The following ZNF512 variants were observed in gnomAD, a reference collection of about 807,000 sequenced individuals.
ZNF512 encodes the protein zinc finger protein 512.
In ZNF512, 25 loss-of-function variants were observed where a neutral mutation model predicts 77.5. That is an observed-to-expected ratio of 0.32 (90% CI 0.23 to 0.45). The LOEUF (loss-of-function observed/expected upper bound fraction) is 0.45, where lower values mean the gene tolerates loss of function less well. Among genes scored for constraint, ZNF512 ranks in the 20% least tolerant of loss-of-function variants. ZNF512 has a pLI of 1.00. For missense variants in ZNF512, 483 were observed against 692.6 expected (o/e 0.70, Z 3.40); for synonymous variants, 246 against 239.9 (o/e 1.03, Z -0.24).
chr2:27,587,938 C>T (rs1201725640), intron 2 of ZNF512, among the ~76,000 whole-genome samples: 2 of 150,226 alleles, frequency 1.3e-5, no homozygotes, highest in Non-Finnish European at 3.0e-5. Flanking sequence ...CCTTTGCCTC[C>T]CAAAGTGCTG....
chr2:27,608,153 T>A (rs1672450803), intron 10 of ZNF512, 114 bp downstream of exon 10: 1 of 1,026,486 alleles, frequency 9.7e-7, no homozygotes, highest in South Asian at 1.9e-5. Context: ...TTTTGTTTGT[T>A]TATCTTTGGA....
At chr2:27,619,482 A>G (rs1277522638) in intron 13 of ZNF512, among the ~76,000 whole-genome samples, 1 of 152,194 alleles carries the variant, frequency 6.6e-6, no homozygotes, top group African/African-American at 2.4e-5. Context: ...CTAAAAAGTT[A>G]AAATCAAAAG....
Position 27,598,097 on chromosome 2 carries a change from T to A in ZNF512, c.120T>A (p.Asn40Lys). 1 of 1,604,790 alleles carries A rather than the reference T, an allele frequency of 6.2e-7. No homozygotes were observed. Among genetic ancestry groups the A allele is most frequent in the Non-Finnish European group, 8.5e-7 (1 of 1,172,424 alleles). Residue 40 changes from asparagine (N) to lysine (K), a missense_variant, in exon 3 of 14, where the codon AAT (asparagine) becomes AAA (lysine). Physicochemically the swap from Asn to Lys is moderately conservative, Grantham distance 94. Coordinates refer to ENST00000355467, the MANE Select transcript of ZNF512 (RefSeq NM_032434.4). ...GGACCCAGTGCTCCATAAAGGATAA[T>A]AGTTTCCAGTACACTATCCCTCATG... ...NSRTQCSIKD[N>K]SFQYTIPHDD...
chr2:27,590,841 C>T (rs1234038297), intron 2 of ZNF512, among the ~76,000 whole-genome samples: 1 of 152,134 alleles, frequency 6.6e-6, no homozygotes, highest in Non-Finnish European at 1.5e-5. Context: ...GTTGCTCTTT[C>T]TTCATTCTTA....
chr2:27,610,569 T>TATATATATATATATATATACA (rs70953871), intron 10 of ZNF512, among the ~76,000 whole-genome samples: 3 of 15,804 alleles, frequency 1.9e-4, no homozygotes, highest in African/African-American at 2.6e-4. Context: ...TATATATATA[T>TATATATATATATATATATACA]TTTTTTTTTT....
chr2:27,594,994 C>T (rs557606119), intron 2 of ZNF512, among the ~76,000 whole-genome samples: 6 of 152,242 alleles, frequency 3.9e-5, no homozygotes, highest in East Asian at 1.9e-4. Flanking sequence ...TCAGGCGTGG[C>T]GGCGCGTGCC....
chr2:27,608,562 T>C (rs1354518096), intron 10 of ZNF512, among the ~76,000 whole-genome samples: 1 of 152,102 alleles, frequency 6.6e-6, no homozygotes, highest in Admixed American at 6.6e-5. Flanking sequence ...GCCCCAAGCA[T>C]ACTTCTGAGG....
rs183930081 is a variant in ZNF512 at position 27,620,320 on chromosome 2, A to G, written c.1396-833A>G. On this transcript the variant is annotated intron_variant, in intron 13 of 13. Transcript: ENST00000355467. ...CACTTACCATATGTGGCTAGTGGCT[A>G]TCTCATTGCATGGTGCAAGACTAAA... 1.9e-3 allele frequency among the ~76,000 whole-genome samples: 289 copies of G among 152,288 alleles called. 2 individuals are homozygous for G. Among genetic ancestry groups the G allele is most frequent in the African/African-American group, 6.7e-3 (277 of 41,554 alleles).
intron 10 of ZNF512, among the ~76,000 whole-genome samples, chr2:27,613,768 C>T (rs919918912): frequency 6.6e-6 from 1 of 152,026 alleles, no homozygotes; most frequent in African/African-American, 2.4e-5. Context: ...ACTGTGTAAC[C>T]TGGAAATTAC....
At chr2:27,600,642 T>G (rs187570011) in intron 5 of ZNF512, 49 bp from the exon 6 acceptor site, 2 of 1,581,168 alleles carry the variant, frequency 1.3e-6, no homozygotes, top group Non-Finnish European at 1.7e-6. Flanking sequence ...TGCTTTTTGT[T>G]TCTGGAGAAT....
intron 10 of ZNF512, among the ~76,000 whole-genome samples, chr2:27,611,886 C>T (rs1039209371): frequency 5.9e-5 from 9 of 151,916 alleles, no homozygotes; most frequent in African/African-American, 2.2e-4. Context: ...ATGGTAGAGA[C>T]GGGGTTTCAC....
chr2:27,602,602 C>T (rs1672169017), intron 8 of ZNF512, 41 bp downstream of exon 8: 16 of 1,551,918 alleles, frequency 1.0e-5, no homozygotes, highest in Non-Finnish European at 1.4e-5. Context: ...CCTGAATTCT[C>T]AGGTCAATGT....
At chr2:27,594,802 C>T (rs956086818) in intron 2 of ZNF512, among the ~76,000 whole-genome samples, 7 of 152,070 alleles carry the variant, frequency 4.6e-5, no homozygotes, top group South Asian at 4.1e-4. Flanking sequence ...GAGGTTGTAG[C>T]GAGCCGAGAT....
chr2:27,596,638 A>G (rs2148014798), intron 2 of ZNF512, among the ~76,000 whole-genome samples: 1 of 152,228 alleles, frequency 6.6e-6, no homozygotes, highest in South Asian at 2.1e-4. Context: ...TGCATAATTT[A>G]CTTGTTTTTG....
intron 2 of ZNF512, among the ~76,000 whole-genome samples, chr2:27,585,008 A>G (rs530973612): frequency 1.3e-5 from 2 of 152,240 alleles, no homozygotes; most frequent in Non-Finnish European, 2.9e-5. Context: ...GGTTATTATG[A>G]TAACCTAAGA....
intron 10 of ZNF512, among the ~76,000 whole-genome samples, chr2:27,609,278 C>G (rs1036494732): frequency 6.6e-6 from 1 of 152,128 alleles, no homozygotes; most frequent in Non-Finnish European, 1.5e-5. Context: ...AGTATACTTT[C>G]TTGTTTTGGA....
Position 27,594,978 on chromosome 2 carries a change from A to G in ZNF512, c.90-3089A>G, listed in dbSNP as rs528989785. Among the ~76,000 whole-genome samples, 5 of 152,096 alleles carry G rather than the reference A, an allele frequency of 3.3e-5. No individual in the cohort carries two copies. In the South Asian group the frequency reaches 1.0e-3, roughly 32 times the overall value. The stretch of plus-strand genomic sequence containing the variant: ...ACCCCGTCTCCACCAAAAATACAAA[A>G]ACCAGTCAGGCGTGGCGGCGCGTGC... On this transcript the variant is annotated intron_variant, in intron 2 of 13. Transcript: ENST00000355467.
chr2:27,593,779 T>C (rs866515670), intron 2 of ZNF512, among the ~76,000 whole-genome samples: 10 of 151,104 alleles, frequency 6.6e-5, no homozygotes, highest in Admixed American at 2.6e-4. Flanking sequence ...TCTTTCTTTC[T>C]TTCTTTTTTT....
chr2:27,583,818 A>G (rs1671220033), intron 2 of ZNF512, 102 bp downstream of exon 2: 5 of 1,291,856 alleles, frequency 3.9e-6, no homozygotes, highest in African/African-American at 1.5e-5. Context: ...ATTGTCCAGT[A>G]TCATAGCCAC....
Sources: gnomAD v4.1 joint callset for allele counts (sites outside exome capture counted in the v4.1 genomes callset) on GRCh38, gnomAD v4.1.1 for gene constraint, MANE v1.5 for transcripts, NCBI Gene and HGNC (gene_info 2026-07-23, HGNC 2026-07-21) for gene names.